The following ZFHX3 variants were observed in gnomAD, a reference collection of about 807,000 sequenced individuals.
ZFHX3 encodes zinc finger homeobox protein 3.
Under a neutral mutation model 279.1 loss-of-function variants are expected in ZFHX3, and 42 were observed. That is an observed-to-expected ratio of 0.15 (90% confidence interval 0.12 to 0.19). The LOEUF is 0.19. Ranked by LOEUF, ZFHX3 falls within the 10% of genes least tolerant of loss-of-function variation. ZFHX3 has a pLI of 1.00. For synonymous variants in ZFHX3, 2,293 were observed against 1,957.8 expected, an observed-to-expected ratio of 1.17 and a Z score of -4.52; for missense variants, 4,981 against 4,754.0, an observed-to-expected ratio of 1.05 and a Z score of -1.40.
intron 4 of ZFHX3, among the ~76,000 whole-genome samples, chr16:73,304,890 A>T (rs1567445199): frequency 1.3e-5 from 2 of 152,050 alleles, no homozygotes. Context: ...TTGCCACAAT[A>T]AATAATGCTA....
intron 1 of ZFHX3, among the ~76,000 whole-genome samples, chr16:73,869,384 T>A (rs1215829003): frequency 6.6e-6 from 1 of 152,218 alleles, no homozygotes; most frequent in African/African-American, 2.4e-5. Context: ...CAGCTGAGAA[T>A]GAATTATGTC....
At chr16:73,855,553 T>A (rs777124187) in intron 1 of ZFHX3, among the ~76,000 whole-genome samples, 9 of 152,012 alleles carry the variant, frequency 5.9e-5, no homozygotes, top group Non-Finnish European at 8.8e-5. Context: ...TTCAAACAAG[T>A]GCCAAAACTC....
rs757081224 is a variant in ZFHX3, at chr16:72,958,998, G to T, written c.1148C>A (p.Ser383Tyr). The part of the protein sequence containing the change: ...MEGEEALPAG[S>Y]AAGPEQPQAG... ...CTGGGGCTGCTCGGGGCCAGCGGCG[G>T]AGCCCGCTGGGAGAGCTTCCTCCCC... Residue 383 changes from serine (S) to tyrosine (Y), a missense_variant, in exon 2 of 10, where the codon TCC becomes TAC. Ser to Tyr is a moderately radical substitution (Grantham distance 144). Transcript: ENST00000268489. 2.5e-6 allele frequency: 4 copies of T among 1,608,614 alleles called. No individual in the cohort carries two copies. Among genetic ancestry groups the T allele is most frequent in the Non-Finnish European group, 3.4e-6 (4 of 1,177,562 alleles).
chr16:73,480,919 C>A (rs746859119), intron 2 of ZFHX3, among the ~76,000 whole-genome samples: 1 of 152,198 alleles, frequency 6.6e-6, no homozygotes, highest in Non-Finnish European at 1.5e-5. Flanking sequence ...ATTAATCACC[C>A]AACAGAATGT....
intron 1 of ZFHX3, among the ~76,000 whole-genome samples, chr16:73,882,749 T>C (rs1222859085): frequency 6.6e-6 from 1 of 151,936 alleles, no homozygotes; most frequent in African/African-American, 2.4e-5. Flanking sequence ...TGGACAGACC[T>C]TTTTTTTAAG....
chr16:72,989,543 A>C (rs925734344), intron 1 of ZFHX3, among the ~76,000 whole-genome samples: 1 of 152,178 alleles, frequency 6.6e-6, no homozygotes, highest in African/African-American at 2.4e-5. Context: ...GCAGGCTAAG[A>C]ACACGCATAC....
chr16:72,833,958 C>G (rs1051131754), intron 4 of ZFHX3, among the ~76,000 whole-genome samples: 8 of 152,116 alleles, frequency 5.3e-5, no homozygotes, highest in Admixed American at 3.9e-4. Flanking sequence ...TTTAAAAAAC[C>G]TCTTTGGCTG....
chr16:72,807,596 C>T (rs1481239682), intron 7 of ZFHX3: 2 of 152,218 alleles, frequency 1.3e-5, no homozygotes, highest in African/African-American at 4.8e-5. Flanking sequence ...CCATTTACAA[C>T]TGAACAGAAA....
intron 5 of ZFHX3, among the ~76,000 whole-genome samples, chr16:73,215,509 C>G (rs2012172136): frequency 6.6e-6 from 1 of 152,222 alleles, no homozygotes; most frequent in South Asian, 2.1e-4. Flanking sequence ...AATGTTCTAT[C>G]TGGAGTTTTC....
chr16:73,818,239 A>C (rs886558057), intron 1 of ZFHX3, among the ~76,000 whole-genome samples: 2 of 152,188 alleles, frequency 1.3e-5, no homozygotes, highest in Admixed American at 6.5e-5. Flanking sequence ...CTGCACACGC[A>C]AAAGCAAATA....
At chr16:73,248,612 CTG>C (rs1377066671) in intron 5 of ZFHX3, among the ~76,000 whole-genome samples, 3 of 149,750 alleles carry the variant, frequency 2.0e-5, no homozygotes, top group African/African-American at 7.4e-5. Flanking sequence ...GTGTATGTGT[CTG>C]TGTGTCTACG....
intron 2 of ZFHX3, among the ~76,000 whole-genome samples, chr16:73,606,250 G>A (rs1353474158): frequency 7.1e-6 from 1 of 140,076 alleles, no homozygotes; most frequent in Admixed American, 7.3e-5. Flanking sequence ...GCTCACGCCT[G>A]TAATCCCAAC....
intron 1 of ZFHX3, among the ~76,000 whole-genome samples, chr16:73,824,392 T>C (rs1960837361): frequency 6.7e-6 from 1 of 148,824 alleles, no homozygotes; most frequent in East Asian, 1.9e-4. Flanking sequence ...TTTTTTTTTT[T>C]TTTTAATGTT....
intron 1 of ZFHX3, among the ~76,000 whole-genome samples, chr16:73,046,116 C>T (rs535284580): frequency 2.6e-5 from 4 of 152,310 alleles, no homozygotes; most frequent in Admixed American, 2.6e-4. Flanking sequence ...CATAGCTACA[C>T]ACTCTCTGAA....
intron 3 of ZFHX3, among the ~76,000 whole-genome samples, chr16:73,407,723 A>G (rs1188528657): frequency 1.3e-5 from 2 of 152,228 alleles, no homozygotes; most frequent in Admixed American, 6.5e-5. Context: ...AGTTGACTTT[A>G]ATCTTTAATT....
chr16:73,134,889 G>C (rs907032110), intron 6 of ZFHX3, among the ~76,000 whole-genome samples: 10 of 152,080 alleles, frequency 6.6e-5, no homozygotes, highest in African/African-American at 2.4e-4. Context: ...TCTAGCATGA[G>C]AATGCTTTGA....
chr16:73,307,797 G>C (rs1168753171), intron 4 of ZFHX3, among the ~76,000 whole-genome samples: 1 of 152,122 alleles, frequency 6.6e-6, no homozygotes, highest in Non-Finnish European at 1.5e-5. Flanking sequence ...TTCAGAGTTT[G>C]AAAAATTGGG....
chr16:73,500,703 A>C (rs1391048277), intron 2 of ZFHX3, among the ~76,000 whole-genome samples: 11 of 151,664 alleles, frequency 7.3e-5, no homozygotes, highest in Admixed American at 6.5e-4. Flanking sequence ...AAAAAAAAAA[A>C]AAAAAACCTC....
chr16:73,064,058 G>T (rs1269035750), upstream of ZFHX3, among the ~76,000 whole-genome samples: 1 of 152,116 alleles, frequency 6.6e-6, no homozygotes, highest in East Asian at 1.9e-4. Context: ...CCAACTCCAC[G>T]AGGATGGCAT....
Sources: allele counts gnomAD v4.1 joint callset (sites outside exome capture counted in the v4.1 genomes callset), GRCh38; gene constraint gnomAD v4.1.1; transcripts MANE v1.5; gene names NCBI Gene and HGNC (gene_info 2026-07-23, HGNC 2026-07-21).